DCAF8L2: variants seen among roughly 807,000 people sequenced by gnomAD.
The protein encoded by DCAF8L2 is DDB1 and CUL4 associated factor 8 like 2, also known as DDB1- and CUL4-associated factor 8-like protein 2.
For missense variants in DCAF8L2, 430 were observed against 490.7 expected, an observed-to-expected ratio of 0.88 and a Z score of 1.17; for synonymous variants, 200 against 190.9, an observed-to-expected ratio of 1.05 and a Z score of -0.39.
chrX:27,675,917 C>T (rs1394518342), intron 2 of DCAF8L2, among the ~76,000 whole-genome samples: 1 of 112,003 alleles, frequency 8.9e-6, no homozygotes, highest in Admixed American at 9.5e-5. Flanking sequence ...CAGAGTAATC[C>T]GCTGTCAAGG....
chrX:27,541,294 G>T, the DCAF8L2 span, among the ~76,000 whole-genome samples: 1 of 110,133 alleles, frequency 9.1e-6, no homozygotes, highest in South Asian at 3.8e-4. Context: ...ACCCAGCAAG[G>T]CCTGTCTATA....
At chrX:27,598,974 A>AAAATATAT (rs1555917079) in intron 1 of DCAF8L2, among the ~76,000 whole-genome samples, 3 of 92,212 alleles carry the variant, frequency 3.3e-5, no homozygotes, top group African/African-American at 1.3e-4. Context: ...AAAAAAAAAA[A>AAAATATAT]ATATATATAT....
chrX:27,533,613 A>G, the DCAF8L2 span, among the ~76,000 whole-genome samples: 85 of 111,720 alleles, frequency 7.6e-4, 1 homozygote, highest in African/African-American at 2.4e-3. Context: ...GCTATGATAC[A>G]TTGACAGTGA....
chrX:27,487,471 T>C, the DCAF8L2 span, among the ~76,000 whole-genome samples: 1 of 110,984 alleles, frequency 9.0e-6, no homozygotes, highest in Admixed American at 9.6e-5. Flanking sequence ...TTAGTAGAGA[T>C]GGGGTTTCAC....
upstream of DCAF8L2, among the ~76,000 whole-genome samples, chrX:27,589,622 A>G (rs777544383): frequency 8.9e-6 from 1 of 112,213 alleles, no homozygotes; most frequent in Admixed American, 9.5e-5. Context: ...GAAACATTTT[A>G]TTTGAATTTT....
At chrX:27,684,017 C>T (rs1007434506) in intron 3 of DCAF8L2, among the ~76,000 whole-genome samples, 3 of 112,687 alleles carry the variant, frequency 2.7e-5, no homozygotes, top group Non-Finnish European at 3.7e-5. Context: ...AGTGGCAAGA[C>T]TAAGAATATC....
chrX:27,594,838 C>G (rs1475936414), intron 1 of DCAF8L2, among the ~76,000 whole-genome samples: 1 of 111,340 alleles, frequency 9.0e-6, no homozygotes, highest in Non-Finnish European at 1.9e-5. Flanking sequence ...TACAAAGCAA[C>G]CTATACTTAC....
At chrX:27,542,485 C>T in the DCAF8L2 span, among the ~76,000 whole-genome samples, 28 of 107,701 alleles carry the variant, frequency 2.6e-4, no homozygotes, top group African/African-American at 8.8e-4. Flanking sequence ...GTTTGTTAGC[C>T]GCAGGTATAT....
chrX:27,748,766 A>G lies in DCAF8L2; in HGVS notation c.1871A>G (p.Asp624Gly). ...GAGACATCTGAGGAGGAGGTCCAAGACCGAGTGCAGTGCATGCCATCCTGA... is the reference window on the plus strand; with the variant it reads ...GAGACATCTGAGGAGGAGGTCCAAGGCCGAGTGCAGTGCATGCCATCCTGA... ...TSETSEEEVQ[D>G]RVQCMPS is the part of the protein sequence containing the mutation. The change falls in exon 5 of 5, where the codon GAC becomes GGC. Residue 624 changes from aspartate to glycine, a missense_variant. Transcript: ENST00000451261. 8.3e-7 allele frequency: 1 copy of G among 1,204,513 alleles called. No homozygotes were observed. The highest frequency in any genetic ancestry group is 1.1e-6 in the Non-Finnish European group (1 of 891,119).
the DCAF8L2 span, among the ~76,000 whole-genome samples, chrX:27,545,088 G>GA: frequency 2.7e-5 from 3 of 111,475 alleles, no homozygotes; most frequent in African/African-American, 9.8e-5. Flanking sequence ...GAAGAAGCTG[G>GA]AAAAAACATG....
chrX:27,731,272 G>C (rs909678267), intron 4 of DCAF8L2, among the ~76,000 whole-genome samples: 1 of 110,708 alleles, frequency 9.0e-6, no homozygotes, highest in South Asian at 3.9e-4. Context: ...TTAGCTGGGC[G>C]TGGTGGCACG....
chrX:27,587,986 ATATATATATATAT>A (rs1382574415), upstream of DCAF8L2, among the ~76,000 whole-genome samples: 2 of 51,748 alleles, frequency 3.9e-5, no homozygotes, highest in African/African-American at 1.2e-4. Context: ...AAAAAAAAAA[ATATATATATATAT>A]ATATATATAT....
At chrX:27,517,948 G>C in the DCAF8L2 span, 5 of 1,198,198 alleles carry the variant, frequency 4.2e-6, no homozygotes, top group East Asian at 1.2e-4. Flanking sequence ...CGTGAGGTCT[G>C]GTTTTTTTGG....
upstream of DCAF8L2, among the ~76,000 whole-genome samples, chrX:27,589,611 A>G (rs1925988575): frequency 8.9e-6 from 1 of 112,137 alleles, no homozygotes; most frequent in Admixed American, 9.5e-5. Flanking sequence ...CACTATGTCT[A>G]GAAACATTTT....
intron 1 of DCAF8L2, among the ~76,000 whole-genome samples, chrX:27,612,894 C>A (rs1258699225): frequency 9.0e-6 from 1 of 111,593 alleles, no homozygotes; most frequent in African/African-American, 3.3e-5. Context: ...ATACCTCCAC[C>A]TTTGTTGTTT....
At chrX:27,576,366 C>A in the DCAF8L2 span, among the ~76,000 whole-genome samples, 3 of 111,813 alleles carry the variant, frequency 2.7e-5, no homozygotes, top group Non-Finnish European at 5.6e-5. Context: ...TTGGACCTAT[C>A]TTCATTTACC....
intron 3 of DCAF8L2, among the ~76,000 whole-genome samples, chrX:27,685,100 A>G (rs1024369973): frequency 8.9e-6 from 1 of 111,796 alleles, no homozygotes; most frequent in Non-Finnish European, 1.9e-5. Context: ...ACTCCATGGT[A>G]TATCCCCTCC....
the DCAF8L2 span, among the ~76,000 whole-genome samples, chrX:27,498,046 A>G: frequency 2.7e-5 from 3 of 112,285 alleles, no homozygotes; most frequent in South Asian, 1.1e-3. Flanking sequence ...GTGTATATAT[A>G]TACATATCAC....
intron 4 of DCAF8L2, among the ~76,000 whole-genome samples, chrX:27,743,977 C>G (rs1335663270): frequency 9.0e-6 from 1 of 110,565 alleles, no homozygotes; most frequent in African/African-American, 3.3e-5. Context: ...AAATGATATG[C>G]CCACCTCAGC....
Sources: gnomAD v4.1 joint callset for allele counts (sites outside exome capture counted in the v4.1 genomes callset) on GRCh38, gnomAD v4.1.1 for gene constraint, MANE v1.5 for transcripts, NCBI Gene and HGNC (gene_info 2026-07-23, HGNC 2026-07-21) for gene names.